The following RICTOR variants were observed in gnomAD, a reference collection of about 807,000 sequenced individuals.
RICTOR encodes RPTOR independent companion of MTOR complex 2.
RICTOR carries 49 observed loss-of-function variants against 214.9 expected under a neutral mutation model. The ratio of observed to expected loss-of-function variants is 0.23; its 90% confidence interval spans 0.18 to 0.29. The LOEUF (loss-of-function observed/expected upper bound fraction) is 0.29, where lower values mean the gene tolerates loss of function less well. RICTOR is among the 10% of genes least tolerant of loss of function. The pLI is 1.00. For missense variants in RICTOR, 1,625 were observed against 2,047.0 expected, an observed-to-expected ratio of 0.79 and a Z score of 3.98; for synonymous variants, 717 against 711.3, an observed-to-expected ratio of 1.01 and a Z score of -0.13.
At chr5:38,943,091 G>A in intron 36 of RICTOR, 120 bp from the exon 37 acceptor site, 2 of 596,820 alleles carry the variant, frequency 3.4e-6, no homozygotes, top group Non-Finnish European at 5.8e-6. Flanking sequence ...TGGCATACTT[G>A]GGGTGATGAC....
intron 31 of RICTOR, among the ~76,000 whole-genome samples, chr5:38,948,610 C>A (rs917202047): frequency 6.6e-6 from 1 of 152,088 alleles, no homozygotes; most frequent in African/African-American, 2.4e-5. Context: ...CTAGTGCAAT[C>A]TCCACCAGAT....
intron 9 of RICTOR, among the ~76,000 whole-genome samples, chr5:38,975,882 T>C (rs1416200983): frequency 6.6e-6 from 1 of 152,238 alleles, no homozygotes; most frequent in African/African-American, 2.4e-5. Context: ...TAAGATTTAA[T>C]TAAGCATTAA....
chr5:38,953,410 A>C (rs755092889), intron 28 of RICTOR, 51 bp downstream of exon 28: 7 of 795,768 alleles, frequency 8.8e-6, no homozygotes, highest in Middle Eastern at 2.5e-4. Context: ...TGAAAAAAAA[A>C]CTTAAAAATC....
chr5:38,988,006 T>C (rs558308576), intron 7 of RICTOR, among the ~76,000 whole-genome samples: 26 of 152,272 alleles, frequency 1.7e-4, no homozygotes, highest in Non-Finnish European at 3.1e-4. Flanking sequence ...TTCCATGTAG[T>C]TGTGCAGTTT....
At chr5:38,962,727 C>G in intron 17 of RICTOR, 141 bp from the exon 18 acceptor site, 3 of 798,454 alleles carry the variant, frequency 3.8e-6, no homozygotes, top group Non-Finnish European at 5.9e-6. Context: ...GTTATAAAAA[C>G]CCATCTCCAA....
At chr5:39,070,843 G>A (rs767847784) in intron 2 of RICTOR, among the ~76,000 whole-genome samples, 7 of 152,212 alleles carry the variant, frequency 4.6e-5, no homozygotes, top group Non-Finnish European at 7.4e-5. Flanking sequence ...AAGCATTTGG[G>A]CTTCAAAATA....
At chr5:39,060,007 G>A (rs1280218760) in intron 2 of RICTOR, among the ~76,000 whole-genome samples, 10 of 151,996 alleles carry the variant, frequency 6.6e-5, no homozygotes, top group Non-Finnish European at 1.0e-4. Context: ...ACGACACCAT[G>A]CTTTTAGTCA....
chr5:38,946,472 T>C lies in RICTOR; in HGVS notation c.4395A>G (p.Ala1465=). The change falls in exon 33 of 38, where the codon GCA becomes GCG. Residue 1465 remains alanine (A), a synonymous_variant. Transcript: ENST00000357387. ...DRGARAFAHD[A]GGLPSGTGGL... is the part of the protein sequence containing the mutation. ...GTACAATGCACAATGCATTACCTCCTGCATCATGGGCAAATGCTCTTGCAC... is the reference window on the plus strand; with the variant it reads ...GTACAATGCACAATGCATTACCTCCCGCATCATGGGCAAATGCTCTTGCAC... The C allele has an allele frequency of 1.9e-6, 3 of 1,601,212 alleles. No individual in the cohort carries two copies. The highest frequency in any genetic ancestry group is 2.6e-6 in the Non-Finnish European group (3 of 1,168,348).
chr5:38,979,132 T>C (rs1366441797), intron 8 of RICTOR, among the ~76,000 whole-genome samples: 2 of 152,180 alleles, frequency 1.3e-5, no homozygotes, highest in Non-Finnish European at 2.9e-5. Context: ...TTCAGCAACC[T>C]TGCTAAAATA....
At chr5:38,978,725 A>G (rs896409061) in intron 8 of RICTOR, 75 bp from the exon 9 acceptor site, 63 of 704,594 alleles carry the variant, frequency 8.9e-5, no homozygotes, top group Non-Finnish European at 1.4e-4. Flanking sequence ...GGAATGTAAC[A>G]TTCCATTTCT....
intron 2 of RICTOR, among the ~76,000 whole-genome samples, chr5:39,028,221 C>T (rs976492920): frequency 5.3e-5 from 6 of 113,902 alleles, no homozygotes; most frequent in Admixed American, 1.3e-4. Flanking sequence ...CTCGCTCTGT[C>T]GCCCAGGCTG....
intron 12 of RICTOR, among the ~76,000 whole-genome samples, chr5:38,967,694 C>T (rs1051515557): frequency 6.6e-6 from 1 of 152,148 alleles, no homozygotes; most frequent in African/African-American, 2.4e-5. Context: ...TTCTTACTGT[C>T]TCCTCTCTTC....
At chr5:39,031,415 A>G (rs1018740706) in intron 2 of RICTOR, among the ~76,000 whole-genome samples, 3 of 152,110 alleles carry the variant, frequency 2.0e-5, no homozygotes, top group African/African-American at 4.8e-5. Context: ...ACTCCTCTCT[A>G]AAGTTTCTGA....
intron 8 of RICTOR, chr5:38,981,389 T>A (rs1362680844): frequency 1.3e-5 from 2 of 155,828 alleles, no homozygotes; most frequent in East Asian, 3.8e-4. Context: ...AAACCTTACT[T>A]GAATCAGTAA....
At chr5:38,952,171 T>C (rs1049970849) in intron 30 of RICTOR, 25 bp downstream of exon 30, 3 of 1,323,392 alleles carry the variant, frequency 2.3e-6, no homozygotes, top group Non-Finnish European at 3.3e-6. Flanking sequence ...TGGCTAACTT[T>C]ATATGAACCT....
At position 38,945,507 on chromosome 5, in the gene RICTOR, T is replaced by A. The variant is rs755846957; in HGVS notation, c.4617A>T (p.Ala1539=). The A allele has an allele frequency of 4.8e-5, 77 of 1,611,396 alleles. No individual in the cohort carries two copies. The highest frequency in any genetic ancestry group is 6.5e-5 in the Non-Finnish European group (77 of 1,177,672). Residue 1539 remains alanine (A), a synonymous_variant, in exon 34 of 38, where the codon GCA becomes GCT. Transcript: ENST00000357387. ...ATCACTTACCTGAATGACTACATAT[T>A]GCACTCAGTTGGTTGCTGGGCTGGA... is the stretch of plus-strand genomic sequence containing the variant. ...LGFQPSNQLS[A]ICSHSDFQDI...
chr5:38,940,255 GTGTAAGA>G lies in RICTOR; in HGVS notation c.*2042_*2048del, dbSNP rs1439526330. 2 of 230,634 alleles carry G rather than the reference GTGTAAGA, an allele frequency of 8.7e-6. No individual in the cohort carries two copies. The highest frequency in any genetic ancestry group is 1.7e-5 in the Non-Finnish European group (2 of 116,748). The allele number at this position is 230,634 out of a possible 1,614,324, so 14.3% of individuals were successfully genotyped here. A position where few individuals can be genotyped will look rare whatever the true frequency, so the allele number is the denominator to read the frequency against. ...ATGGTGGGGGAGGGGGTGTGTGTGTGTGTAAGACAAAAAAAAAATTACTGTTAACTTT... is the reference window on the plus strand; with the variant it reads ...ATGGTGGGGGAGGGGGTGTGTGTGTGCAAAAAAAAAATTACTGTTAACTTT... On this transcript the variant is annotated 3_prime_UTR_variant, in exon 38 of 38. Coordinates refer to ENST00000357387, the MANE Select transcript of RICTOR (RefSeq NM_152756.5).
intron 3 of RICTOR, among the ~76,000 whole-genome samples, chr5:39,009,448 A>G (rs1307235071): frequency 6.6e-6 from 1 of 152,192 alleles, no homozygotes; most frequent in African/African-American, 2.4e-5. Context: ...ATGCATCTCA[A>G]ATGCAAGAAA....
At chr5:39,013,838 A>G (rs1754735713) in intron 3 of RICTOR, among the ~76,000 whole-genome samples, 1 of 152,156 alleles carries the variant, frequency 6.6e-6, no homozygotes, top group Non-Finnish European at 1.5e-5. Flanking sequence ...ATATATATAC[A>G]CACATACACA....
Sources: allele counts gnomAD v4.1 joint callset (sites outside exome capture counted in the v4.1 genomes callset), GRCh38; gene constraint gnomAD v4.1.1; transcripts MANE v1.5; gene names NCBI Gene and HGNC (gene_info 2026-07-23, HGNC 2026-07-21).